NXPE2: variants seen among roughly 807,000 people sequenced by gnomAD.
The protein encoded by NXPE2 is NXPE family member 2.
In NXPE2, 34 loss-of-function variants were observed where a neutral mutation model predicts 34.4. The ratio of observed to expected loss-of-function variants is 0.99; its 90% CI spans 0.75 to 1.31. The LOEUF (loss-of-function observed/expected upper bound fraction) is 1.31, where lower values mean the gene tolerates loss of function less well. Among genes scored for constraint, NXPE2 ranks in the 40% most tolerant of loss-of-function variants. The pLI is 0.00. For synonymous variants in NXPE2, 235 were observed against 231.3 expected, an observed-to-expected ratio of 1.02 and a Z score of -0.15; for missense variants, 649 against 672.5, an observed-to-expected ratio of 0.97 and a Z score of 0.39.
At chr11:114,786,355 A>ACCCGC in the NXPE2 span, among the ~76,000 whole-genome samples, 8 of 127,220 alleles carry the variant, frequency 6.3e-5, no homozygotes, top group African/African-American at 2.0e-4. Flanking sequence ...AGATCTTTCT[A>ACCCGC]CCCCCGCCCC....
At chr11:114,749,513 C>T in the NXPE2 span, among the ~76,000 whole-genome samples, 1 of 152,160 alleles carries the variant, frequency 6.6e-6, no homozygotes, top group South Asian at 2.1e-4. Context: ...CCCATATCCA[C>T]CTGCTGATGT....
At chr11:114,657,322 C>T in the NXPE2 span, among the ~76,000 whole-genome samples, 1 of 152,096 alleles carries the variant, frequency 6.6e-6, no homozygotes, top group Admixed American at 6.6e-5. Context: ...TTAGAGGAGT[C>T]TGTGAACTTA....
the NXPE2 span, among the ~76,000 whole-genome samples, chr11:114,477,425 C>T: frequency 6.6e-6 from 1 of 152,146 alleles, no homozygotes; most frequent in African/African-American, 2.4e-5. Flanking sequence ...TTAATCATTT[C>T]ACAATGTATA....
chr11:114,718,328 C>A, the NXPE2 span, among the ~76,000 whole-genome samples: 31 of 152,236 alleles, frequency 2.0e-4, no homozygotes, highest in African/African-American at 7.0e-4. Context: ...ATAAGCCTGG[C>A]GCATTGCAGG....
At chr11:114,739,067 A>G in the NXPE2 span, among the ~76,000 whole-genome samples, 1 of 152,194 alleles carries the variant, frequency 6.6e-6, no homozygotes, top group Non-Finnish European at 1.5e-5. Context: ...TAATTCCAAG[A>G]TAATTTAAGC....
chr11:114,510,006 G>A, the NXPE2 span, among the ~76,000 whole-genome samples: 1 of 152,096 alleles, frequency 6.6e-6, no homozygotes, highest in Non-Finnish European at 1.5e-5. Context: ...ATGATTTTAA[G>A]AAGAAAGAAG....
the NXPE2 span, among the ~76,000 whole-genome samples, chr11:114,793,343 T>C: frequency 6.6e-6 from 1 of 152,238 alleles, no homozygotes; most frequent in East Asian, 1.9e-4. Context: ...TTTTTTTCTC[T>C]CCCAGGCAAA....
the NXPE2 span, among the ~76,000 whole-genome samples, chr11:114,613,364 G>T: frequency 6.6e-6 from 1 of 150,538 alleles, no homozygotes; most frequent in Non-Finnish European, 1.5e-5. Flanking sequence ...GGATAACCAC[G>T]GTTACCCTGT....
chr11:114,766,790 T>C, the NXPE2 span, among the ~76,000 whole-genome samples: 1 of 152,176 alleles, frequency 6.6e-6, no homozygotes, highest in African/African-American at 2.4e-5. Flanking sequence ...ATTTAATATA[T>C]GTTATTCTTT....
chr11:114,468,030 A>G, the NXPE2 span, among the ~76,000 whole-genome samples: 1 of 152,022 alleles, frequency 6.6e-6, no homozygotes, highest in African/African-American at 2.4e-5. Context: ...CTTCATTTAG[A>G]GCAAGGGTGT....
the NXPE2 span, among the ~76,000 whole-genome samples, chr11:114,736,279 G>A: frequency 2.0e-5 from 3 of 152,126 alleles, no homozygotes; most frequent in African/African-American, 7.2e-5. Flanking sequence ...TAACAAGCCT[G>A]GGAGCACTAT....
the NXPE2 span, among the ~76,000 whole-genome samples, chr11:114,557,157 G>A: frequency 6.6e-6 from 1 of 151,962 alleles, no homozygotes; most frequent in South Asian, 2.1e-4. Flanking sequence ...GCCTCCCAAA[G>A]TTCTGGGATT....
At chr11:114,656,009 G>C in the NXPE2 span, among the ~76,000 whole-genome samples, 3 of 152,102 alleles carry the variant, frequency 2.0e-5, no homozygotes, top group Non-Finnish European at 4.4e-5. Flanking sequence ...CAGATGACAT[G>C]ATCTTATATT....
chr11:114,473,997 AAGAG>A, the NXPE2 span, among the ~76,000 whole-genome samples: 1 of 152,182 alleles, frequency 6.6e-6, no homozygotes, highest in Non-Finnish European at 1.5e-5. Context: ...GGGGGCGAGA[AAGAG>A]AGAGTTAAAG....
At chr11:114,741,423 T>A in the NXPE2 span, among the ~76,000 whole-genome samples, 1 of 152,168 alleles carries the variant, frequency 6.6e-6, no homozygotes, top group East Asian at 1.9e-4. Context: ...CTCCTTTTTC[T>A]CTTCTTTTGC....
At chr11:114,577,088 TATATATATAAAGTTATATATATACAC>T in the NXPE2 span, among the ~76,000 whole-genome samples, 6 of 67,240 alleles carry the variant, frequency 8.9e-5, no homozygotes, top group South Asian at 1.6e-3. Context: ...TATATATACA[TATATATATAAAGTTATATATATACAC>T]ATATATATAA....
chr11:114,764,279 TAA>T, the NXPE2 span, among the ~76,000 whole-genome samples: 4 of 152,300 alleles, frequency 2.6e-5, no homozygotes, highest in Middle Eastern at 3.4e-3. Context: ...GTATGCAAGA[TAA>T]AGTTATTGTG....
upstream of NXPE2, among the ~76,000 whole-genome samples, chr11:114,676,899 T>C (rs80343370): frequency 0.023 from 3,495 of 152,112 alleles, 58 homozygotes; most frequent in Non-Finnish European, 0.037. Flanking sequence ...TTGTGTCATA[T>C]ATACACATAA....
the NXPE2 span, among the ~76,000 whole-genome samples, chr11:114,724,664 G>A: frequency 6.6e-6 from 1 of 151,772 alleles, no homozygotes; most frequent in East Asian, 1.9e-4. Flanking sequence ...ATCCTCCATT[G>A]CACACCCCCC....
Sources: allele counts gnomAD v4.1 joint callset (sites outside exome capture counted in the v4.1 genomes callset), GRCh38; gene constraint gnomAD v4.1.1; transcripts MANE v1.5; gene names NCBI Gene and HGNC (gene_info 2026-07-23, HGNC 2026-07-21).